The following ASIC2 variants were observed in gnomAD, a reference collection of about 807,000 sequenced individuals.
ASIC2 encodes the protein acid sensing ion channel subunit 2, also known as acid-sensing ion channel 2.
Under a neutral mutation model 57.3 loss-of-function variants are expected in ASIC2, and 25 were observed. The ratio of observed to expected loss-of-function variants is 0.44; its 90% CI spans 0.32 to 0.61. The LOEUF is 0.61. Among genes scored for constraint, ASIC2 ranks in the 20% least tolerant of loss-of-function variants. The pLI, the probability that ASIC2 is intolerant of heterozygous loss-of-function variation, is 0.06. For missense variants in ASIC2, 641 were observed against 738.1 expected (o/e 0.87, Z 1.52); for synonymous variants, 319 against 307.5 (o/e 1.04, Z -0.39).
intron 1 of ASIC2, among the ~76,000 whole-genome samples, chr17:33,599,469 GTGCTGAGGTCCTCAAGGCCACCAGGTC>G (rs1339272415): frequency 6.6e-6 from 1 of 152,210 alleles, no homozygotes; most frequent in Admixed American, 6.5e-5. Flanking sequence ...GTCACCTGGG[GTGCTGAGGTCCTCAAGGCCACCAGGTC>G]TGGGGCTCAG....
chr17:33,017,582 C>T (rs945753630), intron 8 of ASIC2, 23 bp downstream of exon 8: 4 of 1,599,920 alleles, frequency 2.5e-6, no homozygotes, highest in African/African-American at 1.3e-5. Flanking sequence ...GGTCATTTCC[C>T]TGTGGGGAAT....
At chr17:33,505,379 T>C (rs554753389) in intron 1 of ASIC2, among the ~76,000 whole-genome samples, 22 of 152,200 alleles carry the variant, frequency 1.4e-4, no homozygotes, top group African/African-American at 5.1e-4. Flanking sequence ...CACCAAGACC[T>C]GCTGATGCTA....
intron 1 of ASIC2, among the ~76,000 whole-genome samples, chr17:33,541,731 T>TAAA (rs1915417479): frequency 6.6e-6 from 1 of 152,182 alleles, no homozygotes; most frequent in African/African-American, 2.4e-5. Context: ...CCAGAGACTC[T>TAAA]AATGCAAGTG....
Position 33,673,997 on chromosome 17 carries a change from G to A in ASIC2, c.555+481981C>T, listed in dbSNP as rs143568345. 9.0e-3 allele frequency among the ~76,000 whole-genome samples: 1,360 copies of A among 151,904 alleles called. 8 individuals are homozygous for A. Among genetic ancestry groups the A allele is most frequent in the Non-Finnish European group, 0.014 (976 of 67,960 alleles). ...CAAGCTCCGTCTCCTGGGTTCAAGC[G>A]ATTTCCCTGCCTCAGCCTCCTGAGT... is the stretch of plus-strand genomic sequence containing the variant. On this transcript the variant is annotated intron_variant, in intron 1 of 9. Coordinates refer to the ASIC2 transcript ENST00000359872.
intron 1 of ASIC2, among the ~76,000 whole-genome samples, chr17:33,151,378 A>G (rs1339052676): frequency 6.7e-6 from 1 of 150,144 alleles, no homozygotes; most frequent in Non-Finnish European, 1.5e-5. Flanking sequence ...TGTCTCAAGA[A>G]AAAAAAAAAG....
intron 1 of ASIC2, among the ~76,000 whole-genome samples, chr17:33,277,904 C>A (rs1222936303): frequency 1.3e-5 from 2 of 152,100 alleles, no homozygotes; most frequent in South Asian, 2.1e-4. Context: ...ACTGTGTGGG[C>A]GAGAGAGGCA....
intron 1 of ASIC2, among the ~76,000 whole-genome samples, chr17:33,835,001 A>G (rs1322881583): frequency 6.7e-6 from 1 of 148,502 alleles, no homozygotes; most frequent in Non-Finnish European, 1.5e-5. Context: ...TTCAATAAAT[A>G]TTTATTGAGT....
intron 1 of ASIC2, among the ~76,000 whole-genome samples, chr17:34,085,103 C>A (rs895228212): frequency 1.3e-5 from 2 of 152,164 alleles, no homozygotes; most frequent in African/African-American, 4.8e-5. Context: ...GAGAGGGCAT[C>A]CCCGTCTTGT....
chr17:33,541,937 C>G (rs1230230610), intron 1 of ASIC2, among the ~76,000 whole-genome samples: 1 of 152,180 alleles, frequency 6.6e-6, no homozygotes, highest in Non-Finnish European at 1.5e-5. Flanking sequence ...CTTAGGCAAG[C>G]TTCTTTATCT....
At chr17:33,938,010 T>C (rs927917057) in intron 1 of ASIC2, among the ~76,000 whole-genome samples, 3 of 152,216 alleles carry the variant, frequency 2.0e-5, no homozygotes, top group Non-Finnish European at 2.9e-5. Flanking sequence ...CTAAATCTCC[T>C]GGGAAGAATC....
intron 1 of ASIC2, among the ~76,000 whole-genome samples, chr17:33,457,241 T>C (rs1175767316): frequency 1.5e-5 from 2 of 129,564 alleles, no homozygotes; most frequent in Non-Finnish European, 3.4e-5. Context: ...GCCTTTTTTG[T>C]TTTTCTTTTT....
intron 1 of ASIC2, among the ~76,000 whole-genome samples, chr17:33,725,653 C>T (rs896602366): frequency 6.6e-6 from 1 of 152,042 alleles, no homozygotes; most frequent in African/African-American, 2.4e-5. Flanking sequence ...CTACATTCTT[C>T]TCTCTTCTTA....
intron 1 of ASIC2, among the ~76,000 whole-genome samples, chr17:33,907,650 C>T (rs1271271905): frequency 6.6e-6 from 1 of 152,090 alleles, no homozygotes; most frequent in Non-Finnish European, 1.5e-5. Flanking sequence ...TTTCTTTCTT[C>T]CGGATGCCTC....
intron 8 of ASIC2, 130 bp from the exon 9 acceptor site, chr17:33,016,169 C>A: frequency 1.3e-6 from 1 of 770,918 alleles, no homozygotes. Context: ...TAGCACAAGC[C>A]CAGCCTGGCA....
At chr17:33,526,317 C>T (rs770032067) in intron 1 of ASIC2, among the ~76,000 whole-genome samples, 3 of 152,108 alleles carry the variant, frequency 2.0e-5, no homozygotes, top group Admixed American at 1.3e-4. Flanking sequence ...GTGCTGGGGA[C>T]GTCATTCATC....
At chr17:33,897,771 G>A (rs1915131045) in intron 1 of ASIC2, among the ~76,000 whole-genome samples, 1 of 152,212 alleles carries the variant, frequency 6.6e-6, no homozygotes, top group African/African-American at 2.4e-5. Flanking sequence ...TGGAGCCTAT[G>A]GGAGAGGGGA....
In ASIC2 at chr17:34,156,713, A is replaced by T; in HGVS notation, c.-181T>A. 1 of 627,354 alleles carries T rather than the reference A, an allele frequency of 1.6e-6. No individual in the cohort carries two copies. The highest frequency in any genetic ancestry group is 2.7e-6 in the Non-Finnish European group (1 of 371,938). The allele number at this position is 627,354 out of a possible 1,614,324, so 38.9% of individuals were successfully genotyped here. ...CGCACGCTGACAGGGGTGAGTGTTT[A>T]TATAAAACCCATTCAAACTCTAGCT... On this transcript the variant is annotated 5_prime_UTR_variant, in exon 1 of 10. Transcript: ENST00000359872. The surrounding 1 kb of genome is among the most constrained non-coding windows in gnomAD (Gnocchi z 4.4).
At chr17:33,451,402 C>T (rs1201116888) in intron 1 of ASIC2, among the ~76,000 whole-genome samples, 1 of 152,126 alleles carries the variant, frequency 6.6e-6, no homozygotes, top group Admixed American at 6.6e-5. Context: ...CACCAGTTAA[C>T]TTTTTGCCTT....
At chr17:33,031,052 C>A (rs1435879002) in intron 3 of ASIC2, among the ~76,000 whole-genome samples, 3 of 152,056 alleles carry the variant, frequency 2.0e-5, no homozygotes, top group Non-Finnish European at 2.9e-5. Context: ...TTTCCTCTTT[C>A]TCAATTTTTT....
Sources: allele counts gnomAD v4.1 joint callset (sites outside exome capture counted in the v4.1 genomes callset), GRCh38; gene constraint gnomAD v4.1.1; non-coding constraint Gnocchi (gnomAD v3.1); transcripts MANE v1.5; gene names NCBI Gene and HGNC (gene_info 2026-07-23, HGNC 2026-07-21).